The following TEF variants were observed in gnomAD, a reference collection of about 807,000 sequenced individuals.
TEF encodes the protein TEF transcription factor, PAR bZIP family member.
TEF carries 3 observed loss-of-function variants against 20.8 expected under a neutral mutation model. The ratio of observed to expected loss-of-function variants is 0.14; its 90% confidence interval spans 0.07 to 0.37. The LOEUF (loss-of-function observed/expected upper bound fraction) is 0.37. Among genes scored for constraint, TEF ranks in the 10% least tolerant of loss-of-function variants. The pLI is 1.00. For missense variants in TEF, 296 were observed against 397.9 expected, an observed-to-expected ratio of 0.74 and a Z score of 2.18; for synonymous variants, 180 against 171.1, an observed-to-expected ratio of 1.05 and a Z score of -0.41.
In TEF at chr22:41,382,034, T is replaced by G; in HGVS notation, c.-11T>G. On this transcript the variant is annotated 5_prime_UTR_variant, in exon 1 of 4. Transcript: ENST00000266304. ...GGGGAGGCGAGGTGCGCGAGCCGAG[T>G]CCGGGGCACGATGTCCGACGCGGGC... 1.6e-6 allele frequency: 2 copies of G among 1,229,626 alleles called. No individual in the cohort carries two copies. The highest frequency in any genetic ancestry group is 2.0e-6 in the Non-Finnish European group (2 of 986,988). The allele number at this position is 1,229,626 out of a possible 1,614,324, so 76.2% of individuals were successfully genotyped here. A position where few individuals can be genotyped will look rare whatever the true frequency, so the allele number is the denominator to read the frequency against.
chr22:41,367,535 G>C, exon 1 of TEF: 17 of 1,551,076 alleles, frequency 1.1e-5, no homozygotes, highest in Non-Finnish European at 1.5e-5. Flanking sequence ...CCCCTGCCAT[G>C]GACATGCCTG....
At chr22:41,376,746 C>A (rs2036946978) in intron 1 of TEF, among the ~76,000 whole-genome samples, 2 of 152,142 alleles carry the variant, frequency 1.3e-5, no homozygotes, top group Non-Finnish European at 2.9e-5. Flanking sequence ...AGGGTGGGTA[C>A]CCACCCACTC....
intron 1 of TEF, among the ~76,000 whole-genome samples, chr22:41,385,362 TAAAAA>T (rs998938652): frequency 6.9e-6 from 1 of 144,624 alleles, no homozygotes; most frequent in Non-Finnish European, 1.5e-5. Flanking sequence ...CTCCTTCTCA[TAAAAA>T]AAAAAAAGTT....
intron 1 of TEF, 64 bp from the exon 2 acceptor site, chr22:41,387,287 G>A: frequency 1.3e-6 from 2 of 1,565,600 alleles, no homozygotes; most frequent in Non-Finnish European, 1.7e-6. Flanking sequence ...GAGGCTCACT[G>A]CCCACTTCCT....
chr22:41,381,091 G>C (rs957675922), upstream of TEF, among the ~76,000 whole-genome samples: 1 of 152,244 alleles, frequency 6.6e-6, no homozygotes, highest in African/African-American at 2.4e-5. Flanking sequence ...CTCCACGCTA[G>C]TGTTGATCTG....
intron 1 of TEF, chr22:41,370,216 G>A (rs1431454425): frequency 1.9e-6 from 1 of 519,084 alleles, no homozygotes; most frequent in African/African-American, 2.1e-5. Flanking sequence ...CTGGGTTCAA[G>A]CAATTCTCCT....
chr22:41,370,099 T>C, intron 1 of TEF: 9 of 984,618 alleles, frequency 9.1e-6, no homozygotes, highest in Non-Finnish European at 1.1e-5. Flanking sequence ...CACTCCACTT[T>C]CTTTTATTTT....
At chr22:41,378,885 A>C (rs979475319), upstream of TEF, among the ~76,000 whole-genome samples, 1 of 152,252 alleles carries the variant, frequency 6.6e-6, no homozygotes, top group African/African-American at 2.4e-5. Flanking sequence ...ACAACACAAC[A>C]AATTTTCTGT....
At chr22:41,378,910 T>C (rs1363452573), upstream of TEF, among the ~76,000 whole-genome samples, 1 of 152,240 alleles carries the variant, frequency 6.6e-6, no homozygotes, top group Non-Finnish European at 1.5e-5. Context: ...AATTAACTAT[T>C]TTCACTACAG....
At chr22:41,370,413 T>C (rs2036870354) in intron 1 of TEF, among the ~76,000 whole-genome samples, 1 of 19,384 alleles carries the variant, frequency 5.2e-5, no homozygotes, top group African/African-American at 1.1e-4. Flanking sequence ...GCGCCTGGCA[T>C]TTTTTTTTTT....
At chr22:41,368,924 A>C (rs1033164955) in intron 1 of TEF, among the ~76,000 whole-genome samples, 7 of 152,122 alleles carry the variant, frequency 4.6e-5, no homozygotes, top group African/African-American at 1.7e-4. Context: ...CACACCCACA[A>C]ACAAGCCACA....
chr22:41,382,104 G>A lies in TEF; in HGVS notation c.60G>A (p.Pro20=). ...TGGACCCGCAGGCAGGACCCGGTCC[G>A]GGGCCGGGGCGCGCAGCTGGGGAAA... ...PPVDPQAGPG[P]GPGRAAGERG... The change falls in exon 1 of 4, where the codon CCG becomes CCA. Residue 20 remains proline, a synonymous_variant. Transcript: ENST00000266304. 3.2e-6 allele frequency: 4 copies of A among 1,232,850 alleles called. No homozygotes were observed. The highest frequency in any genetic ancestry group is 4.1e-5 in the South Asian group (1 of 24,410). The allele number at this position is 1,232,850 out of a possible 1,614,324, so 76.4% of individuals were successfully genotyped here. A position where few individuals can be genotyped will look rare whatever the true frequency, so the allele number is the denominator to read the frequency against.
intron 2 of TEF, among the ~76,000 whole-genome samples, chr22:41,391,964 G>A (rs997133285): frequency 2.6e-5 from 4 of 152,100 alleles, no homozygotes; most frequent in East Asian, 3.9e-4. Flanking sequence ...CTTGTGTAAT[G>A]CAGCTTTCCC....
intron 3 of TEF, 70 bp from the exon 4 acceptor site, chr22:41,395,675 G>C (rs2037218541): frequency 6.7e-7 from 1 of 1,485,488 alleles, no homozygotes; most frequent in Non-Finnish European, 9.3e-7. Context: ...GAATCCAGGT[G>C]GTGGGAGTGG....
chr22:41,382,229 G>T (rs988703568), intron 1 of TEF, 28 bp downstream of exon 1: 25 of 1,223,994 alleles, frequency 2.0e-5, no homozygotes, highest in South Asian at 4.1e-5. Flanking sequence ...GTCCGCGCGG[G>T]CTGGGGGCGG....
chr22:41,369,071 G>A (rs911270559), intron 1 of TEF: 5 of 985,312 alleles, frequency 5.1e-6, no homozygotes, highest in African/African-American at 3.5e-5. Context: ...GCTCCCCCAA[G>A]GTGTCCCAGG....
chr22:41,381,385 C>T (rs1184499432), upstream of TEF, among the ~76,000 whole-genome samples: 2 of 150,756 alleles, frequency 1.3e-5, no homozygotes, highest in Admixed American at 6.7e-5. Context: ...ATTGGCTGTT[C>T]CCGCGCCTTC....
chr22:41,374,517 A>T (rs1441212912), intron 1 of TEF, among the ~76,000 whole-genome samples: 1 of 151,032 alleles, frequency 6.6e-6, no homozygotes, highest in East Asian at 1.9e-4. Flanking sequence ...GCGCCACTGC[A>T]CTCCAGCCTG....
At chr22:41,389,939 G>A (rs955015592) in intron 2 of TEF, among the ~76,000 whole-genome samples, 10 of 150,540 alleles carry the variant, frequency 6.6e-5, no homozygotes, top group East Asian at 3.9e-4. Flanking sequence ...TGCTTTTGTC[G>A]CCCAGGCTGG....
Sources: gnomAD v4.1 joint callset for allele counts (sites outside exome capture counted in the v4.1 genomes callset) on GRCh38, gnomAD v4.1.1 for gene constraint, MANE v1.5 for transcripts, NCBI Gene and HGNC (gene_info 2026-07-23, HGNC 2026-07-21) for gene names.